PREP: variants seen among roughly 807,000 people sequenced by gnomAD.
PREP encodes the protein dJ355L5.1 (prolyl endopeptidase).
A neutral mutation model predicts 87.6 loss-of-function variants in PREP; 29 were observed. The observed-to-expected ratio is 0.33, with a 90% confidence interval of 0.25 to 0.45. The LOEUF is 0.45. Ranked by LOEUF, PREP falls within the 20% of genes least tolerant of loss-of-function variation. The pLI is 1.00. For missense variants in PREP, 695 were observed against 886.5 expected, an observed-to-expected ratio of 0.78 and a Z score of 2.74; for synonymous variants, 337 against 328.6, an observed-to-expected ratio of 1.03 and a Z score of -0.28.
intron 2 of PREP, among the ~76,000 whole-genome samples, chr6:105,388,277 C>T (rs985316649): frequency 3.3e-5 from 5 of 152,270 alleles, no homozygotes; most frequent in East Asian, 3.9e-4. Flanking sequence ...GAAAAAGAGA[C>T]GGCAGGCTGA....
intron 7 of PREP, among the ~76,000 whole-genome samples, chr6:105,350,913 T>C (rs563834847): frequency 2.0e-5 from 3 of 152,360 alleles, no homozygotes; most frequent in African/African-American, 7.2e-5. Flanking sequence ...TTCATCAGTA[T>C]GCCGCTCAAC....
chr6:105,333,690 C>T (rs1583062073), intron 7 of PREP, among the ~76,000 whole-genome samples, 185 bp from the exon 8 acceptor site: 1 of 152,090 alleles, frequency 6.6e-6, no homozygotes, highest in Non-Finnish European at 1.5e-5. Flanking sequence ...TAAGGAGCCC[C>T]TGAAAAACCC....
At chr6:105,356,184 A>G (rs1275197771) in intron 6 of PREP, among the ~76,000 whole-genome samples, 2 of 152,040 alleles carry the variant, frequency 1.3e-5, no homozygotes, top group African/African-American at 2.4e-5. Flanking sequence ...CCTGCAAAAC[A>G]TTTTGCGGCA....
intron 2 of PREP, among the ~76,000 whole-genome samples, chr6:105,379,720 C>G (rs990615577): frequency 2.0e-5 from 3 of 152,190 alleles, no homozygotes; most frequent in African/African-American, 7.2e-5. Context: ...CTGAAGCATC[C>G]ACGTGGACTA....
intron 2 of PREP, among the ~76,000 whole-genome samples, chr6:105,389,332 T>C (rs544818552): frequency 1.3e-5 from 2 of 152,288 alleles, no homozygotes; most frequent in Admixed American, 6.5e-5. Context: ...GCTACGGTCA[T>C]AGAACAAGAA....
chr6:105,312,350 T>C (rs1001673776), intron 10 of PREP, among the ~76,000 whole-genome samples: 2 of 152,242 alleles, frequency 1.3e-5, no homozygotes, highest in South Asian at 2.1e-4. Flanking sequence ...AACTGGTAGA[T>C]GCTCTTAAAG....
chr6:105,302,783 TTCTC>T, intron 10 of PREP: 2 of 475,528 alleles, frequency 4.2e-6, no homozygotes, highest in East Asian at 1.2e-4. Flanking sequence ...CAGCAACTCT[TTCTC>T]CTTCCCGTGA....
chr6:105,306,816 G>A (rs1770666794), intron 10 of PREP, among the ~76,000 whole-genome samples: 1 of 145,012 alleles, frequency 6.9e-6, no homozygotes, highest in South Asian at 2.1e-4. Flanking sequence ...CTAAGCACCT[G>A]GTAGGTAGAT....
At chr6:105,283,691 T>C (rs17065741) in intron 12 of PREP, among the ~76,000 whole-genome samples, 6,561 of 152,266 alleles carry the variant, frequency 0.043, 467 homozygotes, top group African/African-American at 0.14. Flanking sequence ...TATCATATCC[T>C]AGGCTATAAC....
rs1007936102 is a variant in PREP at position 105,275,076 on chromosome 6, A to G, written c.*3068T>C. Among the ~76,000 whole-genome samples, 1 of 152,126 alleles carries G rather than the reference A, an allele frequency of 6.6e-6. No homozygotes were observed. The highest frequency in any genetic ancestry group is 6.6e-5 in the Admixed American group (1 of 15,264). On this transcript the variant is annotated 3_prime_UTR_variant, in exon 15 of 15. Coordinates refer to ENST00000652536, the MANE Select transcript of PREP (RefSeq NM_002726.5). ...AGAATGGCTCAATGTTCCTCCTTCA[A>G]GGGCCTCAGTCCTCATCCCACTGGC...
intron 11 of PREP, 110 bp downstream of exon 11, chr6:105,288,648 C>G: frequency 1.4e-6 from 2 of 1,390,662 alleles, no homozygotes; most frequent in Non-Finnish European, 1.9e-6. Context: ...TGAACCCCCA[C>G]GCCTGGCCAG....
At chr6:105,310,649 T>C (rs907105010) in intron 10 of PREP, among the ~76,000 whole-genome samples, 1 of 152,162 alleles carries the variant, frequency 6.6e-6, no homozygotes, top group Non-Finnish European at 1.5e-5. Flanking sequence ...TTGCTAGCTC[T>C]TCCTCCTTCA....
chr6:105,338,104 A>G (rs1771526650), intron 7 of PREP, among the ~76,000 whole-genome samples: 1 of 152,236 alleles, frequency 6.6e-6, no homozygotes, highest in Admixed American at 6.5e-5. Flanking sequence ...TTATAATAAG[A>G]ACAATGAAAC....
At chr6:105,314,119 T>TA (rs957016687) in intron 10 of PREP, among the ~76,000 whole-genome samples, 5 of 152,008 alleles carry the variant, frequency 3.3e-5, no homozygotes, top group African/African-American at 4.8e-5. Flanking sequence ...CATTATGTCT[T>TA]AAAAAAAAGT....
rs771270804 is a variant in PREP at position 105,402,874 on chromosome 6, G to A, written c.18C>T (p.Tyr6=). 28 of 1,541,282 alleles carry A rather than the reference G, an allele frequency of 1.8e-5. No homozygotes were observed. The East Asian group carries it at 5.5e-4, about 30-fold the overall frequency. The change falls in exon 1 of 15, where the codon TAC becomes TAT. Residue 6 remains tyrosine, a synonymous_variant. Transcript: ENST00000652536. ...CGGTCTCGTCGCGGTACACGTCGGGGTACTGAAGGGACAGCATGGCCGGGG... is the reference window on the plus strand; with the variant it reads ...CGGTCTCGTCGCGGTACACGTCGGGATACTGAAGGGACAGCATGGCCGGGG... MLSLQ[Y]PDVYRDETAV...
chr6:105,377,810 C>T (rs1772726708), intron 2 of PREP, among the ~76,000 whole-genome samples: 1 of 152,134 alleles, frequency 6.6e-6, no homozygotes, highest in Admixed American at 6.5e-5. Flanking sequence ...GGAGAAGGTC[C>T]TTTTATTAGG....
intron 10 of PREP, among the ~76,000 whole-genome samples, chr6:105,297,208 G>C (rs1162159503): frequency 1.3e-5 from 2 of 152,178 alleles, no homozygotes; most frequent in Non-Finnish European, 2.9e-5. Flanking sequence ...TGGTCATTTG[G>C]TTTCACAAGC....
At chr6:105,333,681 A>G (rs983096193) in intron 7 of PREP, among the ~76,000 whole-genome samples, 176 bp from the exon 8 acceptor site, 1 of 152,082 alleles carries the variant, frequency 6.6e-6, no homozygotes, top group Non-Finnish European at 1.5e-5. Context: ...GAAAAATGCT[A>G]AGGAGCCCCT....
chr6:105,336,088 T>C (rs1239318265), intron 7 of PREP, among the ~76,000 whole-genome samples: 1 of 151,952 alleles, frequency 6.6e-6, no homozygotes, highest in Non-Finnish European at 1.5e-5. Context: ...CGAAACCCTG[T>C]CTCTACTAAA....
Sources: gnomAD v4.1 joint callset for allele counts (sites outside exome capture counted in the v4.1 genomes callset) on GRCh38, gnomAD v4.1.1 for gene constraint, MANE v1.5 for transcripts, NCBI Gene and HGNC (gene_info 2026-07-23, HGNC 2026-07-21) for gene names.